The following MAP2K2 variants were observed in gnomAD, a reference collection of about 807,000 sequenced individuals.
MAP2K2 encodes mitogen-activated protein kinase kinase 2.
Under a neutral mutation model 43.7 loss-of-function variants are expected in MAP2K2, and 24 were observed. The observed-to-expected ratio is 0.55, with a 90% CI of 0.40 to 0.77. The LOEUF is 0.77. Among genes scored for constraint, MAP2K2 ranks in the 30% least tolerant of loss-of-function variants. The pLI, the probability that MAP2K2 is intolerant of heterozygous loss-of-function variation, is 0.00. For synonymous variants in MAP2K2, 244 were observed against 239.7 expected, an observed-to-expected ratio of 1.02 and a Z score of -0.17; for missense variants, 470 against 566.8, an observed-to-expected ratio of 0.83 and a Z score of 1.73.
intron 3 of MAP2K2, among the ~76,000 whole-genome samples, chr19:4,108,898 C>G (rs2041121811): frequency 6.6e-6 from 1 of 152,176 alleles, no homozygotes; most frequent in Non-Finnish European, 1.5e-5. Context: ...CCTCAGACCA[C>G]AAAGCGCTTC....
chr19:4,096,052 C>T (rs372509959), intron 8 of MAP2K2, among the ~76,000 whole-genome samples: 86 of 152,368 alleles, frequency 5.6e-4, no homozygotes, highest in Middle Eastern at 3.4e-3. Flanking sequence ...TGGAATTACA[C>T]ACCTGAGCCA....
intron 3 of MAP2K2, among the ~76,000 whole-genome samples, chr19:4,106,532 C>T (rs1247847081): frequency 6.6e-6 from 1 of 152,210 alleles, no homozygotes; most frequent in African/African-American, 2.4e-5. Context: ...CCTCAGCCTC[C>T]TGAGGAGCTG....
chr19:4,113,725 C>T (rs924405922), intron 2 of MAP2K2, among the ~76,000 whole-genome samples: 5 of 152,096 alleles, frequency 3.3e-5, no homozygotes, highest in Non-Finnish European at 7.4e-5. Context: ...GAGGTGGAGA[C>T]GGTTGCTACA....
At chr19:4,105,204 G>GTGTGTGTGTGTGT (rs1244087024) in intron 3 of MAP2K2, among the ~76,000 whole-genome samples, 4 of 134,682 alleles carry the variant, frequency 3.0e-5, no homozygotes, top group African/African-American at 1.1e-4. Context: ...GTGTGTGTGT[G>GTGTGTGTGTGTGT]ATGTTTAAAA....
chr19:4,110,665 G>T lies in MAP2K2; in HGVS notation c.304-10C>A, dbSNP rs1195759898. 2 of 1,610,574 alleles carry T rather than the reference G, an allele frequency of 1.2e-6. No homozygotes were observed. Among genetic ancestry groups the T allele is most frequent in the African/African-American group, 2.7e-5 (2 of 75,052 alleles). On this transcript the variant is annotated splice_polypyrimidine_tract_variant and intron_variant, in intron 2 of 10. Coordinates refer to ENST00000262948, the MANE Select transcript of MAP2K2 (RefSeq NM_030662.4). ...TCTCAAGGTGGATCAGCTGCAAGGGGAGAGGGGCGAGACTGGCTTGGGGGG... is the reference window on the plus strand; with the variant it reads ...TCTCAAGGTGGATCAGCTGCAAGGGTAGAGGGGCGAGACTGGCTTGGGGGG...
intron 3 of MAP2K2, chr19:4,103,249 G>A: frequency 1.0e-6 from 1 of 985,680 alleles, no homozygotes; most frequent in Non-Finnish European, 1.2e-6. Flanking sequence ...CTGGTCCCCG[G>A]GTGTGGCCCC....
rs139154571 is a variant in MAP2K2, at chr19:4,109,033, A to G, written c.450+1476T>C. On this transcript the variant is annotated intron_variant, in intron 3 of 10. Coordinates refer to ENST00000262948, the MANE Select transcript of MAP2K2 (RefSeq NM_030662.4). The stretch of plus-strand genomic sequence containing the variant: ...GCGGGTGCTGCCTTGCTCGGGTCAC[A>G]TGGCTACGTGGGGGCCTTGCTCAAA... Among the ~76,000 whole-genome samples the G allele has an allele frequency of 3.5e-3, 533 of 152,292 alleles. 3 individuals are homozygous for G. The highest frequency in any genetic ancestry group is 0.012 in the African/African-American group (514 of 41,562).
At chr19:4,099,076 C>A (rs778954312) in intron 7 of MAP2K2, 125 bp downstream of exon 7, 2 of 804,630 alleles carry the variant, frequency 2.5e-6, no homozygotes, top group South Asian at 3.3e-5. Context: ...TGACCACAGT[C>A]GGCACCATCC....
chr19:4,111,135 A>T (rs1355500267), intron 2 of MAP2K2, among the ~76,000 whole-genome samples: 2 of 151,848 alleles, frequency 1.3e-5, no homozygotes, highest in Non-Finnish European at 2.9e-5. Flanking sequence ...GGGCTGGAGG[A>T]GGGGATGGGG....
chr19:4,108,458 G>A (rs766556952), intron 3 of MAP2K2, among the ~76,000 whole-genome samples: 1 of 149,274 alleles, frequency 6.7e-6, no homozygotes, highest in East Asian at 2.0e-4. Context: ...GTTTCACCAC[G>A]TTAGCCAAGC....
In MAP2K2 at chr19:4,101,381, G is replaced by A. The variant is rs1406343267; in HGVS notation, c.529-101C>T. Reference sequence around the variant, plus strand: ...CTGAGCAGTCAGAGCTGGAGCGAGGGAGCTGCGGCAGGAACCATTTCAGGC... The same window carrying A: ...CTGAGCAGTCAGAGCTGGAGCGAGGAAGCTGCGGCAGGAACCATTTCAGGC... On this transcript the variant is annotated intron_variant, in intron 4 of 10. Coordinates refer to ENST00000262948, the MANE Select transcript of MAP2K2 (RefSeq NM_030662.4). The surrounding 1 kb of genome is among the most constrained non-coding windows in gnomAD (Gnocchi z 6.3). The A allele has an allele frequency of 3.8e-6, 5 of 1,328,082 alleles. No individual in the cohort carries two copies. The highest frequency in any genetic ancestry group is 3.2e-6 in the Non-Finnish European group (3 of 945,510). 82.3% of individuals were successfully genotyped at this position (1,328,082 alleles called of 1,614,324 possible).
In MAP2K2 at chr19:4,123,605, GTCCCCTGCCCTGTCCTCCCCTCGAGAA is replaced by G. The variant is rs557240931; in HGVS notation, c.92+152_92+178del. 0.046 allele frequency among the ~76,000 whole-genome samples: 3,698 copies of G among 79,624 alleles called. 300 individuals carry two copies. Among genetic ancestry groups the G allele is most frequent in the African/African-American group, 0.22 (2,984 of 13,568 alleles). 52.2% of individuals were successfully genotyped at this position (79,624 alleles called of 152,430 possible). ...CCCCCTGCCCCGTCCTCCCCCGAGG[GTCCCCTGCCCTGTCCTCCCCTCGAGAA>G]CCCCCTGCCCCGTGCACCACTCACC... is the stretch of plus-strand genomic sequence containing the variant. On this transcript the variant is annotated intron_variant, in intron 1 of 10. Transcript: ENST00000262948.
Position 4,102,390 on chromosome 19 carries a change from T to C in MAP2K2, c.514A>G (p.Lys172Glu), listed in dbSNP as rs1413580671. 9 of 1,603,560 alleles carry C rather than the reference T, an allele frequency of 5.6e-6. No individual in the cohort carries two copies. Among genetic ancestry groups the C allele is most frequent in the Non-Finnish European group, 6.8e-6 (8 of 1,176,220 alleles). ...GGTGGACTCACCGCGATGCTGACTT[T>C]CCCCAGGATCTCCTCGGGAATCCTC... The part of the protein sequence containing the change: ...AKRIPEEILG[K>E]VSIAVLRGLA... Residue 172 changes from lysine (K) to glutamate (E), a missense_variant, in exon 4 of 11, where the codon AAA becomes GAA. Physicochemically the swap from Lys to Glu is moderately conservative, Grantham distance 56. Around this residue, in one of 3 missense-constraint regions of MAP2K2, gnomAD observed 200 missense variants for 297.9 expected, o/e 0.67. Transcript: ENST00000262948.
intron 8 of MAP2K2, among the ~76,000 whole-genome samples, 186 bp from the exon 9 acceptor site, chr19:4,095,635 G>A (rs758161758): frequency 4.6e-5 from 7 of 152,182 alleles, no homozygotes; most frequent in Non-Finnish European, 8.8e-5. Context: ...TGAGAGTCAC[G>A]GCTGCTTAGA....
chr19:4,114,207 C>G (rs1391677924), intron 2 of MAP2K2, among the ~76,000 whole-genome samples: 1 of 152,172 alleles, frequency 6.6e-6, no homozygotes, highest in African/African-American at 2.4e-5. Flanking sequence ...AGGCTCAGCC[C>G]CGGCAGCTGC....
chr19:4,123,791 C>T lies in MAP2K2; in HGVS notation c.85G>A (p.Ala29Thr), dbSNP rs770134564. ...TGACCCCTGCCCACTCACTCGGAGG[C>T]GCCCTCGCTGGTAGGGGATGGGCCC... ...AEGPSPTSEG[A>T]SEANLVDLQK... Residue 29 changes from alanine (A) to threonine (T), a missense_variant, in exon 1 of 11, where the codon GCC (alanine) becomes ACC (threonine). Coordinates refer to ENST00000262948, the MANE Select transcript of MAP2K2 (RefSeq NM_030662.4). The T allele has an allele frequency of 6.4e-7, 1 of 1,557,778 alleles. No individual in the cohort carries two copies. Among genetic ancestry groups the T allele is most frequent in the African/African-American group, 1.4e-5 (1 of 72,396 alleles).
intron 4 of MAP2K2, 89 bp downstream of exon 4, chr19:4,102,287 A>G: frequency 8.6e-7 from 1 of 1,163,050 alleles, no homozygotes; most frequent in South Asian, 1.3e-5. Flanking sequence ...CCCCCACCAC[A>G]CTGTGAGTGG....
chr19:4,111,378 TC>T (rs2041152053), intron 2 of MAP2K2, among the ~76,000 whole-genome samples: 1 of 152,194 alleles, frequency 6.6e-6, no homozygotes, highest in African/African-American at 2.4e-5. Flanking sequence ...AAAGCATTTT[TC>T]CCCATCAAAT....
At chr19:4,103,755 C>G (rs1386484203) in intron 3 of MAP2K2, among the ~76,000 whole-genome samples, 1 of 152,198 alleles carries the variant, frequency 6.6e-6, no homozygotes, top group African/African-American at 2.4e-5. Flanking sequence ...CTAGAAAACC[C>G]AACACGCTTT....
Sources: gnomAD v4.1 joint callset for allele counts (sites outside exome capture counted in the v4.1 genomes callset) on GRCh38, gnomAD v4.1.1 for gene constraint, gnomAD v4.1.1 regional missense constraint, Gnocchi (gnomAD v3.1) non-coding constraint, MANE v1.5 for transcripts, NCBI Gene and HGNC (gene_info 2026-07-23, HGNC 2026-07-21) for gene names.